ACACB: variants seen among roughly 807,000 people sequenced by gnomAD.
ACACB encodes the protein acetyl-CoA carboxylase 2.
In ACACB, 209 loss-of-function variants were observed where a neutral mutation model predicts 278.8. That is an observed-to-expected ratio of 0.75 (90% CI 0.67 to 0.84). The LOEUF (loss-of-function observed/expected upper bound fraction) is 0.84. Among genes scored for constraint, ACACB ranks in the 40% least tolerant of loss-of-function variants. The pLI is 0.00. For missense variants in ACACB, 2,850 were observed against 3,269.0 expected (o/e 0.87, Z 3.13); for synonymous variants, 1,174 against 1,285.6 (o/e 0.91, Z 1.86).
chr12:109,130,858 A>G (rs1327187947), intron 1 of ACACB, among the ~76,000 whole-genome samples: 1 of 152,150 alleles, frequency 6.6e-6, no homozygotes, highest in African/African-American at 2.4e-5. Flanking sequence ...CTGTGTGTCC[A>G]GCTGGCCATT....
At chr12:109,143,425 T>TGCATCCCA (rs2043166661) in intron 2 of ACACB, among the ~76,000 whole-genome samples, 1 of 136,832 alleles carries the variant, frequency 7.3e-6, no homozygotes, top group South Asian at 2.3e-4. Context: ...ATTGCCCCAC[T>TGCATCCCA]GCATCCCAGC....
chr12:109,209,062 G>A, intron 20 of ACACB, 103 bp from the exon 21 acceptor site: 1 of 1,309,294 alleles, frequency 7.6e-7, no homozygotes, highest in South Asian at 1.4e-5. Context: ...CCACTTGAGT[G>A]CATGGGGTCA....
At chr12:109,258,435 G>A in intron 46 of ACACB, 71 bp downstream of exon 46, 1 of 1,329,434 alleles carries the variant, frequency 7.5e-7, no homozygotes, top group South Asian at 1.3e-5. Flanking sequence ...TGGGCGTGGG[G>A]GTCCCATCCC....
chr12:109,246,625 CG>C (rs1396622953), intron 39 of ACACB, among the ~76,000 whole-genome samples, 177 bp downstream of exon 39: 1 of 151,174 alleles, frequency 6.6e-6, no homozygotes, highest in Non-Finnish European at 1.5e-5. Context: ...TTCACTGTGG[CG>C]GGGGGGATGG....
At position 109,146,625 on chromosome 12, in the gene ACACB, A is replaced by G. The variant is rs189079768; in HGVS notation, c.653+6567A>G. Among the ~76,000 whole-genome samples, 477 of 152,210 alleles carry G rather than the reference A, an allele frequency of 3.1e-3. 4 individuals carry two copies. The highest frequency in any genetic ancestry group is 6.8e-3 in the Middle Eastern group (2 of 294). On this transcript the variant is annotated intron_variant, in intron 2 of 52. Transcript: ENST00000338432. ...GCTTCACAGGCATGCCCTGTGCTTC[A>G]AGGGACCCCGTGCTTGTTTTGACGC...
At chr12:109,196,914 G>A in intron 16 of ACACB, 94 bp from the exon 17 acceptor site, 1 of 1,365,376 alleles carries the variant, frequency 7.3e-7, no homozygotes, top group Non-Finnish European at 9.5e-7. Context: ...CCTCTGTGGT[G>A]GACAACCAGC....
At chr12:109,168,666 A>G (rs975137821) in intron 4 of ACACB, among the ~76,000 whole-genome samples, 2 of 151,952 alleles carry the variant, frequency 1.3e-5, no homozygotes, top group African/African-American at 4.8e-5. Context: ...AAATAAAAAT[A>G]AAAAAATTAA....
intron 22 of ACACB, 110 bp downstream of exon 22, chr12:109,213,046 A>G (rs1302240851): frequency 3.5e-6 from 3 of 851,444 alleles, no homozygotes; most frequent in African/African-American, 3.3e-5. Flanking sequence ...ACTGAGAGAA[A>G]GTGTGTTATA....
chr12:109,242,604 G>A lies in ACACB; in HGVS notation c.5178+12G>A, dbSNP rs1005359505. On this transcript the variant is annotated intron_variant, in intron 37 of 52. Transcript: ENST00000338432. Reference sequence around the variant, plus strand: ...AAATGTTCAGGCAGGCAAGTCCGGCGGCTCAGACGCGGTACCCCCTGGGTC... The same window carrying A: ...AAATGTTCAGGCAGGCAAGTCCGGCAGCTCAGACGCGGTACCCCCTGGGTC... 2.0e-5 allele frequency: 33 copies of A among 1,613,616 alleles called. No homozygotes were observed. Among genetic ancestry groups the A allele is most frequent in the Middle Eastern group, 1.6e-4 (1 of 6,078 alleles).
intron 2 of ACACB, among the ~76,000 whole-genome samples, chr12:109,164,214 TGAA>T (rs1004539984): frequency 2.0e-5 from 3 of 152,114 alleles, no homozygotes; most frequent in South Asian, 2.1e-4. Context: ...TTCTAAAACT[TGAA>T]GAAGGTTTTC....
chr12:109,259,235 C>G, intron 47 of ACACB, 127 bp downstream of exon 47: 1 of 1,203,090 alleles, frequency 8.3e-7, no homozygotes, highest in Non-Finnish European at 1.2e-6. Context: ...TCCCAACAAC[C>G]CTGAGGAGAA....
At chr12:109,165,601 A>G (rs775931978) in intron 2 of ACACB, among the ~76,000 whole-genome samples, 27 of 152,232 alleles carry the variant, frequency 1.8e-4, no homozygotes, top group Non-Finnish European at 2.9e-4. Context: ...AGGAAAAGGC[A>G]AAAAGAAAGG....
intron 21 of ACACB, among the ~76,000 whole-genome samples, chr12:109,211,676 T>C (rs1284598887): frequency 6.6e-6 from 1 of 152,132 alleles, no homozygotes; most frequent in African/African-American, 2.4e-5. Flanking sequence ...GACTACAAGG[T>C]TTCTTTTTAG....
chr12:109,208,063 T>C (rs1179689583), intron 20 of ACACB, among the ~76,000 whole-genome samples: 1 of 152,176 alleles, frequency 6.6e-6, no homozygotes, highest in Non-Finnish European at 1.5e-5. Flanking sequence ...CCACTTACAG[T>C]TGAGGCAACT....
At chr12:109,243,897 T>TA (rs1565965174) in intron 37 of ACACB, among the ~76,000 whole-genome samples, 17 of 147,414 alleles carry the variant, frequency 1.2e-4, no homozygotes, top group African/African-American at 3.9e-4. Flanking sequence ...ATATATATAT[T>TA]TATTTATTTA....
intron 10 of ACACB, chr12:109,179,518 A>G: frequency 1.6e-6 from 1 of 615,028 alleles, no homozygotes; most frequent in Non-Finnish European, 2.8e-6. Flanking sequence ...ACAGAGTCTC[A>G]CTGTGTTGCC....
intron 11 of ACACB, among the ~76,000 whole-genome samples, chr12:109,183,001 T>C (rs2044531437): frequency 6.6e-6 from 1 of 152,242 alleles, no homozygotes; most frequent in African/African-American, 2.4e-5. Flanking sequence ...ATTCTGCATA[T>C]GGATATCCAG....
At chr12:109,171,524 A>G (rs1270203400) in intron 4 of ACACB, among the ~76,000 whole-genome samples, 1 of 150,554 alleles carries the variant, frequency 6.6e-6, no homozygotes, top group East Asian at 2.0e-4. Flanking sequence ...TAATTTTTGT[A>G]TTTTTAGTAG....
intron 24 of ACACB, among the ~76,000 whole-genome samples, 164 bp downstream of exon 24, chr12:109,217,084 C>A (rs1047235493): frequency 6.6e-6 from 1 of 152,076 alleles, no homozygotes; most frequent in Non-Finnish European, 1.5e-5. Context: ...GAGTTTGAGA[C>A]CAGCCTGGCT....
Sources: gnomAD v4.1 joint callset for allele counts (sites outside exome capture counted in the v4.1 genomes callset) on GRCh38, gnomAD v4.1.1 for gene constraint, MANE v1.5 for transcripts, NCBI Gene and HGNC (gene_info 2026-07-23, HGNC 2026-07-21) for gene names.